Variants in MCF2L2 observed in about 807,000 individuals in gnomAD.
MCF2L2 encodes MCF.2 cell line derived transforming sequence-like 2, also known as probable guanine nucleotide exchange factor MCF2L2.
MCF2L2 carries 102 observed loss-of-function variants against 150.2 expected under a neutral mutation model. That is an observed-to-expected ratio of 0.68 (90% CI 0.58 to 0.80). MCF2L2 has a LOEUF of 0.80. Among genes scored for constraint, MCF2L2 ranks in the 30% least tolerant of loss-of-function variants. MCF2L2 has a pLI of 0.00. For synonymous variants in MCF2L2, 465 were observed against 491.3 expected (o/e 0.95, Z 0.71); for missense variants, 1,256 against 1,372.8 (o/e 0.91, Z 1.34).
chr3:183,229,298 T>C (rs1003191812), intron 17 of MCF2L2, among the ~76,000 whole-genome samples: 20 of 152,336 alleles, frequency 1.3e-4, no homozygotes, highest in African/African-American at 4.6e-4. Flanking sequence ...CCCCTTATGA[T>C]AGTAGTATGG....
rs141482244 is a variant in MCF2L2, at chr3:183,270,825, A to G, written c.1862+6047T>C. Reference sequence around the variant, plus strand: ...GAATGCTACAGATCCTAAAGTAAAAACCATTTCCAAAGGTTTTTTTGGTCA... The same window carrying G: ...GAATGCTACAGATCCTAAAGTAAAAGCCATTTCCAAAGGTTTTTTTGGTCA... On this transcript the variant is annotated intron_variant, in intron 15 of 29. Transcript: ENST00000328913. The surrounding 1 kb of genome is among the most constrained non-coding windows in gnomAD (Gnocchi z 4.5). 65 of 1,613,830 alleles carry G rather than the reference A, an allele frequency of 4.0e-5. No individual in the cohort carries two copies. In the African/African-American group the frequency reaches 6.8e-4, roughly 17 times the overall value.
intron 3 of MCF2L2, among the ~76,000 whole-genome samples, chr3:183,356,938 T>C (rs1036496440): frequency 1.3e-5 from 2 of 152,072 alleles, no homozygotes; most frequent in Non-Finnish European, 2.9e-5. Context: ...AATGGGAGAA[T>C]AAGAAATAGT....
chr3:183,344,819 A>G (rs530257640), intron 3 of MCF2L2, among the ~76,000 whole-genome samples: 8 of 152,252 alleles, frequency 5.3e-5, no homozygotes, highest in African/African-American at 1.9e-4. Flanking sequence ...CAGATCAAAA[A>G]AGACAAAGAA....
At chr3:183,345,698 G>A (rs1730871338) in intron 3 of MCF2L2, among the ~76,000 whole-genome samples, 1 of 152,040 alleles carries the variant, frequency 6.6e-6, no homozygotes, top group Non-Finnish European at 1.5e-5. Context: ...AGAAAAGAGA[G>A]AAGAAACAAA....
At chr3:183,239,718 T>G (rs1008073757) in intron 15 of MCF2L2, among the ~76,000 whole-genome samples, 1 of 152,210 alleles carries the variant, frequency 6.6e-6, no homozygotes, top group African/African-American at 2.4e-5. Context: ...CATCACATTA[T>G]GCATGTCAGA....
intron 3 of MCF2L2, among the ~76,000 whole-genome samples, chr3:183,364,254 C>T (rs77899643): frequency 0.015 from 2,216 of 152,160 alleles, 48 homozygotes; most frequent in African/African-American, 0.051. Context: ...CAGGGGCTTA[C>T]GTCTGTAATC....
chr3:183,297,358 A>G, intron 11 of MCF2L2, 191 bp from the exon 12 acceptor site: 1 of 553,566 alleles, frequency 1.8e-6, no homozygotes, highest in African/African-American at 1.9e-5. Context: ...AACCCAAACC[A>G]GCTGATACCT....
intron 15 of MCF2L2, among the ~76,000 whole-genome samples, chr3:183,268,763 G>A (rs1306487513): frequency 6.6e-6 from 1 of 152,136 alleles, no homozygotes; most frequent in African/African-American, 2.4e-5. Flanking sequence ...GCATGATATG[G>A]TACAAGAAAC....
chr3:183,193,135 G>T, intron 26 of MCF2L2, 39 bp from the exon 27 acceptor site: 1 of 1,534,574 alleles, frequency 6.5e-7, no homozygotes. Context: ...TCACTGGAAG[G>T]AATGACACAC....
At chr3:183,424,036 C>T (rs1716038056) in intron 1 of MCF2L2, among the ~76,000 whole-genome samples, 1 of 152,118 alleles carries the variant, frequency 6.6e-6, no homozygotes, top group South Asian at 2.1e-4. Context: ...ATAGATAGTC[C>T]ATGTTACTTA....
chr3:183,318,009 A>G (rs1729667343), intron 7 of MCF2L2, 59 bp downstream of exon 7: 1 of 1,586,270 alleles, frequency 6.3e-7, no homozygotes, highest in African/African-American at 1.3e-5. Context: ...GCTCTCTCCG[A>G]GAGGCAGGCA....
At chr3:183,398,168 G>A (rs1459523688) in intron 1 of MCF2L2, among the ~76,000 whole-genome samples, 1 of 152,170 alleles carries the variant, frequency 6.6e-6, no homozygotes, top group African/African-American at 2.4e-5. Flanking sequence ...TGTCTAGCCA[G>A]GGACTCAATC....
At chr3:183,371,213 G>A (rs1712853420) in intron 3 of MCF2L2, among the ~76,000 whole-genome samples, 1 of 152,218 alleles carries the variant, frequency 6.6e-6, no homozygotes, top group Non-Finnish European at 1.5e-5. Flanking sequence ...AATCAGTTTA[G>A]AAAGTTTATT....
chr3:183,368,415 T>C lies in MCF2L2; in HGVS notation c.275+10882A>G, dbSNP rs180755028. ...CAATTTAAGTATTGTCTATGGTTGC[T>C]TTTGAGCTACAACAGTAGGGTTCAG... On this transcript the variant is annotated intron_variant, in intron 3 of 29. Transcript: ENST00000328913. 1.8e-3 allele frequency among the ~76,000 whole-genome samples: 276 copies of C among 152,304 alleles called. 3 individuals carry two copies. Among genetic ancestry groups the C allele is most frequent in the African/African-American group, 6.5e-3 (271 of 41,560 alleles).
chr3:183,414,415 G>A (rs192025943), intron 1 of MCF2L2, among the ~76,000 whole-genome samples: 1 of 152,166 alleles, frequency 6.6e-6, no homozygotes, highest in Non-Finnish European at 1.5e-5. Flanking sequence ...ATGTAAGGAT[G>A]GTAGAAATGT....
rs141274500 is a variant in MCF2L2, at chr3:183,193,068, A to G, written c.2947T>C (p.Trp983Arg). The G allele has an allele frequency of 3.2e-5, 51 of 1,613,868 alleles. No individual in the cohort carries two copies. In the African/African-American group the frequency reaches 5.7e-4, roughly 18 times the overall value. Residue 983 changes from tryptophan (W) to arginine (R), a missense_variant, in exon 27 of 30, where the codon TGG becomes CGG. Trp to Arg is a moderately radical substitution (Grantham distance 101). Coordinates refer to ENST00000328913, the MANE Select transcript of MCF2L2 (RefSeq NM_015078.4). ...SKGSGAGSGPWIKNMERATTS... is the reference protein window; with the variant it reads ...SKGSGAGSGPRIKNMERATTS... ...GTAGCTCTTTCCATATTTTTAATCC[A>G]TGGTCCGGATCCTGCTCCACTGCCT...
At chr3:183,424,756 T>C (rs4859188) in intron 1 of MCF2L2, among the ~76,000 whole-genome samples, 75,029 of 151,940 alleles carry the variant, frequency 0.49, 19,679 homozygotes, top group African/African-American at 0.67. Flanking sequence ...GATGGCATTG[T>C]ATTGGGTTTC....
At chr3:183,385,785 C>G (rs75822445) in intron 2 of MCF2L2, among the ~76,000 whole-genome samples, 2,965 of 152,320 alleles carry the variant, frequency 0.019, 41 homozygotes, top group Non-Finnish European at 0.031. Flanking sequence ...TGCTTGCCTT[C>G]TGAGATTCTC....
chr3:183,244,681 A>G (rs1167864228), intron 15 of MCF2L2, among the ~76,000 whole-genome samples: 2 of 152,104 alleles, frequency 1.3e-5, no homozygotes, highest in Admixed American at 1.3e-4. Flanking sequence ...ATAGAATTGG[A>G]ACCCCAGTTT....
Sources: allele counts gnomAD v4.1 joint callset (sites outside exome capture counted in the v4.1 genomes callset), GRCh38; gene constraint gnomAD v4.1.1; non-coding constraint Gnocchi (gnomAD v3.1); transcripts MANE v1.5; gene names NCBI Gene and HGNC (gene_info 2026-07-23, HGNC 2026-07-21).